Variants in NFASC observed in about 807,000 individuals in gnomAD.
NFASC encodes the protein neurofascin homolog.
NFASC carries 43 observed loss-of-function variants against 147.5 expected under a neutral mutation model. The observed-to-expected ratio is 0.29, with a 90% CI of 0.23 to 0.38. The LOEUF (loss-of-function observed/expected upper bound fraction) is 0.38, where lower values mean the gene tolerates loss of function less well. Among genes scored for constraint, NFASC ranks in the 10% least tolerant of loss-of-function variants. The pLI is 1.00. For missense variants in NFASC, 1,320 were observed against 1,689.0 expected, an observed-to-expected ratio of 0.78 and a Z score of 3.83; for synonymous variants, 622 against 665.5, an observed-to-expected ratio of 0.93 and a Z score of 1.01.
chr1:205,006,199 C>T (rs2096106646), intron 27 of NFASC, among the ~76,000 whole-genome samples: 1 of 152,166 alleles, frequency 6.6e-6, no homozygotes. Context: ...ATCAGTATGC[C>T]AGGTTAACTG....
At chr1:204,963,604 G>A (rs2094798405) in intron 8 of NFASC, among the ~76,000 whole-genome samples, 1 of 152,212 alleles carries the variant, frequency 6.6e-6, no homozygotes, top group Non-Finnish European at 1.5e-5. Flanking sequence ...TGGGACTTAT[G>A]AGATCCATCC....
intron 24 of NFASC, among the ~76,000 whole-genome samples, chr1:204,992,630 G>T (rs894446267): frequency 1.3e-5 from 2 of 152,140 alleles, no homozygotes; most frequent in Non-Finnish European, 1.5e-5. Flanking sequence ...CACACTGGGG[G>T]CCTCCCTGAC....
chr1:205,013,995 A>G (rs1387872930), intron 29 of NFASC, among the ~76,000 whole-genome samples: 1 of 152,012 alleles, frequency 6.6e-6, no homozygotes. Flanking sequence ...CCCCCTTCCC[A>G]TCTTCCCTGG....
intron 2 of NFASC, among the ~76,000 whole-genome samples, chr1:204,932,761 T>C (rs1244163187): frequency 6.6e-6 from 1 of 152,212 alleles, no homozygotes; most frequent in East Asian, 1.9e-4. Flanking sequence ...TCTGGACGTT[T>C]ACAGATGTTT....
At chr1:204,936,602 G>T (rs1157629895) in intron 2 of NFASC, among the ~76,000 whole-genome samples, 2 of 152,200 alleles carry the variant, frequency 1.3e-5, no homozygotes, top group African/African-American at 2.4e-5. Context: ...CAGGGTGGGG[G>T]TCTTGTTGAA....
Position 205,000,629 on chromosome 1 carries a change from G to A in NFASC, c.3020-541G>A, listed in dbSNP as rs565220926. 3.6e-5 allele frequency: 6 copies of A among 168,024 alleles called. No individual in the cohort carries two copies. In the South Asian group the frequency reaches 8.2e-4, roughly 23 times the overall value. 10.4% of individuals were successfully genotyped at this position (168,024 alleles called of 1,614,324 possible). A position where few individuals can be genotyped will look rare whatever the true frequency, so the allele number is the denominator to read the frequency against. Reference sequence around the variant, plus strand: ...GGGATCTGAAAAGGGAATAAGTCCAGGTTAAAGCCTCAAATGGCACAGATC... The same window carrying A: ...GGGATCTGAAAAGGGAATAAGTCCAAGTTAAAGCCTCAAATGGCACAGATC... On this transcript the variant is annotated intron_variant, in intron 25 of 29. Coordinates refer to ENST00000339876, the MANE Select transcript of NFASC (RefSeq NM_001005388.3).
At chr1:204,830,859 A>C (rs1571791857) in intron 1 of NFASC, among the ~76,000 whole-genome samples, 1 of 152,198 alleles carries the variant, frequency 6.6e-6, no homozygotes, top group African/African-American at 2.4e-5. Flanking sequence ...CAAGGCTTTC[A>C]CTTTAGGAAT....
intron 1 of NFASC, among the ~76,000 whole-genome samples, chr1:204,904,953 A>G (rs2085477300): frequency 6.6e-6 from 1 of 152,208 alleles, no homozygotes; most frequent in Admixed American, 6.5e-5. Context: ...ACCACCCCCA[A>G]CAAAAGCTAG....
Position 204,952,055 on chromosome 1 carries a change from A to G in NFASC, c.154A>G (p.Ile52Val), listed in dbSNP as rs780201162. 4.3e-6 allele frequency: 7 copies of G among 1,614,144 alleles called. No individual in the cohort carries two copies. The highest frequency in any genetic ancestry group is 5.9e-6 in the Non-Finnish European group (7 of 1,180,002). The change falls in exon 5 of 30, where the codon ATC becomes GTC. Residue 52 changes from isoleucine (I) to valine (V), a missense_variant. Around this residue, in one of 3 missense-constraint regions of NFASC, gnomAD observed 981 missense variants for 1,289.5 expected, o/e 0.76. Coordinates refer to ENST00000339876, the MANE Select transcript of NFASC (RefSeq NM_001005388.3). ...CACCAAGCAGTCAGCGAAGGATCAC[A>G]TCGTGGACCCCCGTGATAACATCCT... ...TITKQSAKDH[I>V]VDPRDNILIE...
intron 1 of NFASC, among the ~76,000 whole-genome samples, chr1:204,911,400 A>T (rs2087455351): frequency 6.6e-6 from 1 of 152,076 alleles, no homozygotes; most frequent in South Asian, 2.1e-4. Flanking sequence ...TTTTTATTTA[A>T]GAAATGGAGG....
At chr1:204,889,507 G>A (rs758942780) in intron 1 of NFASC, among the ~76,000 whole-genome samples, 7 of 152,158 alleles carry the variant, frequency 4.6e-5, no homozygotes, top group Non-Finnish European at 1.0e-4. Context: ...AATCCATATT[G>A]GCTCAGAATA....
At position 204,979,630 on chromosome 1, in the gene NFASC, T is replaced by G; in HGVS notation, c.2176+71T>G. The G allele has an allele frequency of 5.8e-6, 8 of 1,384,496 alleles. No homozygotes were observed. The highest frequency in any genetic ancestry group is 8.2e-6 in the Non-Finnish European group (8 of 973,628). The allele number at this position is 1,384,496 out of a possible 1,614,324, so 85.8% of individuals were successfully genotyped here. A position where few individuals can be genotyped will look rare whatever the true frequency, so the allele number is the denominator to read the frequency against. ...CCAAACTCACACTGAGATCCCCCCA[T>G]TCCCAGCCATGTGAACTTAGGTTAC... is the stretch of plus-strand genomic sequence containing the variant. On this transcript the variant is annotated intron_variant, in intron 19 of 29. Transcript: ENST00000339876. This position sits in a 1 kb window ranked among gnomAD's most constrained non-coding sequence, Gnocchi z 6.0.
At chr1:204,873,327 G>A (rs1464751021) in intron 1 of NFASC, among the ~76,000 whole-genome samples, 1 of 152,206 alleles carries the variant, frequency 6.6e-6, no homozygotes, top group African/African-American at 2.4e-5. Context: ...CCATGTGTCA[G>A]TAAGAACAGG....
In NFASC at chr1:205,010,357, C is replaced by T. The variant is rs1029339604; in HGVS notation, c.3421+669C>T. 6.6e-6 allele frequency: 1 copy of T among 152,062 alleles called. No homozygotes were observed. Among genetic ancestry groups the T allele is most frequent in the Non-Finnish European group, 1.5e-5 (1 of 68,090 alleles). The allele number at this position is 152,062 out of a possible 1,614,324, so 9.4% of individuals were successfully genotyped here. ...CTGTAATCCCAGCACTTCGGGAGGCCAAGGTGAGCAGGTCACTTAAGGTCA... is the reference window on the plus strand; with the variant it reads ...CTGTAATCCCAGCACTTCGGGAGGCTAAGGTGAGCAGGTCACTTAAGGTCA... On this transcript the variant is annotated intron_variant, in intron 28 of 29. Transcript: ENST00000339876. This position sits in a 1 kb window ranked among gnomAD's most constrained non-coding sequence, Gnocchi z 4.1.
rs760241661 is a variant in NFASC at position 204,954,893 on chromosome 1, G to A, written c.477G>A (p.Thr159=). 6 of 1,613,948 alleles carry A rather than the reference G, an allele frequency of 3.7e-6. No homozygotes were observed. Among genetic ancestry groups the A allele is most frequent in the African/African-American group, 2.7e-5 (2 of 74,878 alleles). ...TGGTCCAAGAGGGCGCTCCTTTGACGCTCCAGTGCAACCCCCCGCCTGGAC... is the reference window on the plus strand; with the variant it reads ...TGGTCCAAGAGGGCGCTCCTTTGACACTCCAGTGCAACCCCCCGCCTGGAC... ...PVVVQEGAPL[T]LQCNPPPGLP... The change falls in exon 7 of 30, where the codon ACG becomes ACA. Residue 159 remains threonine, a synonymous_variant. Coordinates refer to ENST00000339876, the MANE Select transcript of NFASC (RefSeq NM_001005388.3). This position sits in a 1 kb window ranked among gnomAD's most constrained non-coding sequence, Gnocchi z 5.7.
intron 2 of NFASC, among the ~76,000 whole-genome samples, chr1:204,930,101 G>A (rs888208601): frequency 2.0e-5 from 3 of 152,170 alleles, no homozygotes; most frequent in African/African-American, 7.2e-5. Flanking sequence ...GCCTCAGGAT[G>A]AAAGAGAAAG....
intron 1 of NFASC, among the ~76,000 whole-genome samples, chr1:204,916,219 A>G (rs546932360): frequency 1.3e-3 from 203 of 152,340 alleles, no homozygotes; most frequent in Non-Finnish European, 2.3e-3. Context: ...GGAAGATATC[A>G]GGTGCCTTGT....
chr1:204,913,874 C>T (rs953761696), intron 1 of NFASC, among the ~76,000 whole-genome samples: 4 of 144,994 alleles, frequency 2.8e-5, no homozygotes, highest in East Asian at 2.0e-4. Flanking sequence ...GCCTGGGCAA[C>T]ACAGCAAGAC....
chr1:204,953,286 T>TTTAG lies in NFASC; in HGVS notation c.216-900_216-899insAGTT, dbSNP rs1553275910. ...ATTTCTTTAAAAGCTGCCACTGTTTTTTTGTTTGTTTGTTTGTTTTTTCTA... is the reference window on the plus strand; with the variant it reads ...ATTTCTTTAAAAGCTGCCACTGTTTTTTAGTTTGTTTGTTTGTTTGTTTTTTCTA... On this transcript the variant is annotated intron_variant, in intron 5 of 29. Transcript: ENST00000339876. Among the ~76,000 whole-genome samples the TTTAG allele has an allele frequency of 9.9e-5, 15 of 152,190 alleles. No homozygotes were observed. In the East Asian group the frequency reaches 2.9e-3, roughly 29 times the overall value.
Sources: allele counts gnomAD v4.1 joint callset (sites outside exome capture counted in the v4.1 genomes callset), GRCh38; gene constraint gnomAD v4.1.1; regional missense constraint gnomAD v4.1.1; non-coding constraint Gnocchi (gnomAD v3.1); transcripts MANE v1.5; gene names NCBI Gene and HGNC (gene_info 2026-07-23, HGNC 2026-07-21).